The following ERGIC1 variants were observed in gnomAD, a reference collection of about 807,000 sequenced individuals.
The protein encoded by ERGIC1 is endoplasmic reticulum-Golgi intermediate compartment protein 1.
ERGIC1 carries 19 observed loss-of-function variants against 38.3 expected under a neutral mutation model. The observed-to-expected ratio is 0.50, with a 90% CI of 0.35 to 0.73. The LOEUF is 0.73. Among genes scored for constraint, ERGIC1 ranks in the 30% least tolerant of loss-of-function variants. The pLI is 0.01. For missense variants in ERGIC1, 294 were observed against 389.2 expected, an observed-to-expected ratio of 0.76 and a Z score of 2.06; for synonymous variants, 124 against 157.6, an observed-to-expected ratio of 0.79 and a Z score of 1.60.
At chr5:172,899,177 C>T (rs1190739147) in intron 3 of ERGIC1, among the ~76,000 whole-genome samples, 1 of 151,970 alleles carries the variant, frequency 6.6e-6, no homozygotes, top group Admixed American at 6.6e-5. Flanking sequence ...CAGGGATGAC[C>T]TGGTGTATGT....
intron 4 of ERGIC1, among the ~76,000 whole-genome samples, chr5:172,911,389 A>G (rs2113388367): frequency 6.6e-6 from 1 of 152,304 alleles, no homozygotes; most frequent in East Asian, 1.9e-4. Flanking sequence ...TAGTCAGACC[A>G]GAGGACTGGG....
At chr5:172,904,312 C>T (rs1340789216) in intron 3 of ERGIC1, among the ~76,000 whole-genome samples, 1 of 152,238 alleles carries the variant, frequency 6.6e-6, no homozygotes, top group Non-Finnish European at 1.5e-5. Flanking sequence ...CCTTGAGCCC[C>T]TCCCAGTCAG....
At chr5:172,835,829 T>C (rs1026466913) in intron 1 of ERGIC1, among the ~76,000 whole-genome samples, 3 of 152,184 alleles carry the variant, frequency 2.0e-5, no homozygotes, top group African/African-American at 7.2e-5. Flanking sequence ...CGGGCAGCCC[T>C]GAGGCTAGCA....
intron 3 of ERGIC1, among the ~76,000 whole-genome samples, chr5:172,900,056 T>C (rs10050432): frequency 0.27 from 40,804 of 152,166 alleles, 6,153 homozygotes; most frequent in African/African-American, 0.41. Context: ...GTTAAGAAGA[T>C]GCCTCTCTTG....
chr5:172,885,457 G>A (rs370953558), intron 1 of ERGIC1, among the ~76,000 whole-genome samples: 15 of 152,038 alleles, frequency 9.9e-5, no homozygotes, highest in East Asian at 9.6e-4. Flanking sequence ...TTTAAACTGC[G>A]AGGCCCAGTT....
intron 1 of ERGIC1, among the ~76,000 whole-genome samples, chr5:172,887,160 C>T (rs982872386): frequency 3.9e-5 from 6 of 152,172 alleles, no homozygotes; most frequent in Non-Finnish European, 7.4e-5. Context: ...CAAGGCATTG[C>T]GTCGGGTTTA....
intron 5 of ERGIC1, chr5:172,922,206 A>G (rs1763537890): frequency 6.6e-6 from 1 of 152,266 alleles, no homozygotes; most frequent in Non-Finnish European, 1.5e-5. Context: ...CTGAGACTGC[A>G]GCTCTCGACA....
chr5:172,902,725 C>T (rs1010793152), intron 3 of ERGIC1, among the ~76,000 whole-genome samples: 5 of 152,100 alleles, frequency 3.3e-5, no homozygotes, highest in African/African-American at 9.7e-5. Flanking sequence ...CTCAAGGCTC[C>T]GGAGCACGTG....
intron 5 of ERGIC1, chr5:172,920,315 CCAG>C (rs760265963): frequency 3.9e-5 from 28 of 717,682 alleles, no homozygotes; most frequent in Non-Finnish European, 5.2e-6. Context: ...CACCTCTCTC[CCAG>C]CATCAGGCTG....
At chr5:172,864,121 C>T (rs943775278) in intron 1 of ERGIC1, among the ~76,000 whole-genome samples, 12 of 151,886 alleles carry the variant, frequency 7.9e-5, no homozygotes, top group Admixed American at 4.6e-4. Context: ...CGCTTGAACC[C>T]GGGAGGTGGA....
intron 9 of ERGIC1, 133 bp downstream of exon 9, chr5:172,935,443 G>A: frequency 8.2e-7 from 1 of 1,215,524 alleles, no homozygotes; most frequent in Non-Finnish European, 1.1e-6. Context: ...GCTCTGGCTG[G>A]GCACAGGAGG....
intron 1 of ERGIC1, among the ~76,000 whole-genome samples, chr5:172,875,380 G>A (rs555963028): frequency 3.8e-4 from 58 of 152,210 alleles, no homozygotes; most frequent in South Asian, 8.3e-4. Context: ...CTGCACCCAG[G>A]ACAGGAAGAT....
chr5:172,932,721 G>A, intron 8 of ERGIC1, 185 bp downstream of exon 8: 2 of 610,134 alleles, frequency 3.3e-6, no homozygotes, highest in Non-Finnish European at 5.8e-6. Flanking sequence ...CTGCCATGTG[G>A]CAGTCTCAGA....
intron 9 of ERGIC1, among the ~76,000 whole-genome samples, chr5:172,948,695 G>A (rs1051602087): frequency 6.6e-6 from 1 of 152,156 alleles, no homozygotes; most frequent in African/African-American, 2.4e-5. Context: ...TCCTAGGATG[G>A]GAGGTGTTGG....
Position 172,908,579 on chromosome 5 carries a change from AAAT to A in ERGIC1, c.156-1085_156-1083del, listed in dbSNP as rs540627863. On this transcript the variant is annotated intron_variant, in intron 3 of 9. Transcript: ENST00000393784. The stretch of plus-strand genomic sequence containing the variant: ...TAACAGAGTGAGACTCTGTCTCAAA[AAAT>A]AAAAAAAGAGAGAGGTGGAGGTCAG... Among the ~76,000 whole-genome samples the A allele has an allele frequency of 8.7e-4, 132 of 151,860 alleles. 2 individuals are homozygous for A. The South Asian group carries it at 0.027, about 31-fold the overall frequency.
At chr5:172,938,425 G>A (rs1455507912) in intron 9 of ERGIC1, among the ~76,000 whole-genome samples, 5 of 152,318 alleles carry the variant, frequency 3.3e-5, no homozygotes, top group African/African-American at 7.2e-5. Flanking sequence ...GTTTGCTCCT[G>A]TATGGAAAGC....
chr5:172,839,396 T>A (rs1761105355), intron 1 of ERGIC1, among the ~76,000 whole-genome samples: 1 of 140,572 alleles, frequency 7.1e-6, no homozygotes, highest in Non-Finnish European at 1.5e-5. Context: ...CCAGACCCCA[T>A]CTCTATGGGG....
intron 1 of ERGIC1, among the ~76,000 whole-genome samples, chr5:172,888,336 C>T (rs558556061): frequency 2.6e-5 from 4 of 152,050 alleles, no homozygotes; most frequent in African/African-American, 4.8e-5. Context: ...GGCACATGCC[C>T]GTAGTCCCAG....
chr5:172,923,501 G>C (rs523172), intron 5 of ERGIC1, among the ~76,000 whole-genome samples: 1 of 152,020 alleles, frequency 6.6e-6, no homozygotes, highest in Non-Finnish European at 1.5e-5. Context: ...TTGGCTCTGC[G>C]AGGGCTTGAG....
Sources: allele counts gnomAD v4.1 joint callset (sites outside exome capture counted in the v4.1 genomes callset), GRCh38; gene constraint gnomAD v4.1.1; transcripts MANE v1.5; gene names NCBI Gene and HGNC (gene_info 2026-07-23, HGNC 2026-07-21).